Variants in SAMD5 observed in about 807,000 individuals in gnomAD.
SAMD5 encodes the protein sterile alpha motif domain-containing protein 5.
Under a neutral mutation model 11.3 loss-of-function variants are expected in SAMD5, and 13 were observed. The observed-to-expected ratio is 1.15, with a 90% confidence interval of 0.75 to 1.83. The LOEUF (loss-of-function observed/expected upper bound fraction) is 1.83. SAMD5 is among the 40% of genes most tolerant of loss of function. The pLI is 0.00. For missense variants in SAMD5, 255 were observed against 239.1 expected (o/e 1.07, Z -0.44); for synonymous variants, 129 against 111.3 (o/e 1.16, Z -1.00).
the SAMD5 span, among the ~76,000 whole-genome samples, chr6:147,831,018 C>A: frequency 6.6e-6 from 1 of 152,312 alleles, no homozygotes; most frequent in Admixed American, 6.5e-5. Flanking sequence ...AAAGCTTCAG[C>A]CCCTGGCACA....
At chr6:147,589,517 G>T (rs1177021727) in intron 1 of SAMD5, among the ~76,000 whole-genome samples, 1 of 152,076 alleles carries the variant, frequency 6.6e-6, no homozygotes, top group Non-Finnish European at 1.5e-5. Flanking sequence ...GCCATTTTCT[G>T]TCTTTGTGAT....
chr6:147,944,788 G>A, the SAMD5 span, among the ~76,000 whole-genome samples: 6 of 152,256 alleles, frequency 3.9e-5, no homozygotes, highest in South Asian at 4.1e-4. Context: ...GGAAGTCCAC[G>A]ATTAAGGTGT....
chr6:147,717,070 C>T (rs1791479033), intron 1 of SAMD5, among the ~76,000 whole-genome samples: 1 of 152,178 alleles, frequency 6.6e-6, no homozygotes. Flanking sequence ...CTGCACTTAG[C>T]TAAAATCCAA....
At chr6:147,945,228 A>G in the SAMD5 span, among the ~76,000 whole-genome samples, 1 of 152,110 alleles carries the variant, frequency 6.6e-6, no homozygotes, top group African/African-American at 2.4e-5. Context: ...GGCTCTGTCC[A>G]TCAGACCCCA....
chr6:147,817,994 G>T, the SAMD5 span, among the ~76,000 whole-genome samples: 1 of 152,200 alleles, frequency 6.6e-6, no homozygotes. Flanking sequence ...AAATCTTTAT[G>T]AAAATTTACT....
chr6:147,928,726 C>T, the SAMD5 span, among the ~76,000 whole-genome samples: 3 of 152,002 alleles, frequency 2.0e-5, no homozygotes, highest in African/African-American at 7.2e-5. Flanking sequence ...TTTCCTCTTG[C>T]TTCTCTAATT....
chr6:147,706,588 G>A (rs549787383), intron 1 of SAMD5, among the ~76,000 whole-genome samples: 3 of 152,336 alleles, frequency 2.0e-5, no homozygotes, highest in Admixed American at 2.0e-4. Flanking sequence ...TACAACACAG[G>A]TTTGAACTGT....
chr6:147,601,964 G>T (rs1480818491), intron 1 of SAMD5, among the ~76,000 whole-genome samples: 1 of 152,192 alleles, frequency 6.6e-6, no homozygotes, highest in African/African-American at 2.4e-5. Flanking sequence ...AAAAGAAGGG[G>T]CTGAAGACTC....
the SAMD5 span, among the ~76,000 whole-genome samples, chr6:147,917,833 G>A: frequency 2.0e-5 from 3 of 152,088 alleles, no homozygotes; most frequent in African/African-American, 7.2e-5. Flanking sequence ...CCCATTTCTT[G>A]TTTTTGTCGG....
At chr6:147,784,580 T>C in the SAMD5 span, among the ~76,000 whole-genome samples, 1 of 152,252 alleles carries the variant, frequency 6.6e-6, no homozygotes, top group African/African-American at 2.4e-5. Flanking sequence ...AATTTGCAAA[T>C]GCAGCAATTA....
At chr6:147,810,636 GA>G in the SAMD5 span, among the ~76,000 whole-genome samples, 1 of 152,190 alleles carries the variant, frequency 6.6e-6, no homozygotes, top group East Asian at 1.9e-4. Context: ...CTTTTAAGAG[GA>G]ACAAATAGGC....
In SAMD5 at chr6:147,522,238, G is replaced by A. The variant is rs1237441307; in HGVS notation, c.459+12851G>A. On this transcript the variant is annotated intron_variant, in intron 1 of 1. Transcript: ENST00000367474. Reference sequence around the variant, plus strand: ...TTATATAGCCATGTTAAATAATAATGACAACTAGGTATTCTTATAATTTTC... The same window carrying A: ...TTATATAGCCATGTTAAATAATAATAACAACTAGGTATTCTTATAATTTTC... Among the ~76,000 whole-genome samples the A allele has an allele frequency of 3.9e-5, 6 of 152,038 alleles. No homozygotes were observed. The South Asian group carries it at 8.3e-4, about 21-fold the overall frequency.
the SAMD5 span, among the ~76,000 whole-genome samples, chr6:147,747,857 T>C: frequency 6.6e-6 from 1 of 152,200 alleles, no homozygotes. Context: ...AATACCATTT[T>C]CTGTCATTTT....
chr6:147,711,624 G>A lies in SAMD5; in HGVS notation c.163-25693G>A. ...AGAGAGTAAAGAAAAGGCTAGGAAT[G>A]CCAAATTAAATTTCTTGGAAAATAG... On this transcript the variant is annotated intron_variant, in intron 1 of 1. Transcript: ENST00000566741. The surrounding 1 kb of genome is among the most constrained non-coding windows in gnomAD (Gnocchi z 4.1). Among the ~76,000 whole-genome samples, 1 of 152,334 alleles carries A rather than the reference G, an allele frequency of 6.6e-6. No individual in the cohort carries two copies. Among genetic ancestry groups the A allele is most frequent in the East Asian group, 1.9e-4 (1 of 5,190 alleles).
chr6:147,727,500 C>CA (rs1791645243), intron 1 of SAMD5, among the ~76,000 whole-genome samples: 1 of 152,084 alleles, frequency 6.6e-6, no homozygotes, highest in African/African-American at 2.4e-5. Context: ...CCTTATTCTT[C>CA]GTTTTTTTCA....
intron 1 of SAMD5, among the ~76,000 whole-genome samples, chr6:147,618,750 G>A (rs777533119): frequency 2.0e-5 from 3 of 152,290 alleles, no homozygotes; most frequent in East Asian, 1.9e-4. Context: ...TGAGCTCAGC[G>A]AGGATATTTA....
At chr6:147,643,055 T>A (rs929538720) in intron 1 of SAMD5, among the ~76,000 whole-genome samples, 1 of 152,190 alleles carries the variant, frequency 6.6e-6, no homozygotes, top group African/African-American at 2.4e-5. Flanking sequence ...TCATTATTAA[T>A]CCTGGTGAGG....
chr6:147,537,396 T>C (rs1562315145), intron 1 of SAMD5, among the ~76,000 whole-genome samples: 2 of 152,110 alleles, frequency 1.3e-5, no homozygotes, highest in African/African-American at 4.8e-5. Flanking sequence ...CGAAATAGAA[T>C]TCCAGGTCAC....
chr6:147,809,654 A>C, the SAMD5 span, among the ~76,000 whole-genome samples: 1 of 152,198 alleles, frequency 6.6e-6, no homozygotes, highest in Non-Finnish European at 1.5e-5. Flanking sequence ...CCATTGGCCA[A>C]TGGCCTTGTA....
Sources: gnomAD v4.1 joint callset for allele counts (sites outside exome capture counted in the v4.1 genomes callset) on GRCh38, gnomAD v4.1.1 for gene constraint, Gnocchi (gnomAD v3.1) non-coding constraint, MANE v1.5 for transcripts, NCBI Gene and HGNC (gene_info 2026-07-23, HGNC 2026-07-21) for gene names.